ASIC2: variants seen among roughly 807,000 people sequenced by gnomAD.
The protein encoded by ASIC2 is acid sensing ion channel subunit 2.
Under a neutral mutation model 57.3 loss-of-function variants are expected in ASIC2, and 25 were observed. That is an observed-to-expected ratio of 0.44 (90% confidence interval 0.32 to 0.61). The LOEUF (loss-of-function observed/expected upper bound fraction) is 0.61. Among genes scored for constraint, ASIC2 ranks in the 20% least tolerant of loss-of-function variants. The pLI, the probability that ASIC2 is intolerant of heterozygous loss-of-function variation, is 0.06. For synonymous variants in ASIC2, 319 were observed against 307.5 expected (o/e 1.04, Z -0.39); for missense variants, 641 against 738.1 (o/e 0.87, Z 1.52).
chr17:33,356,161 G>A (rs1263146620), intron 1 of ASIC2, among the ~76,000 whole-genome samples: 1 of 152,184 alleles, frequency 6.6e-6, no homozygotes, highest in Non-Finnish European at 1.5e-5. Context: ...TAGGGGTAGG[G>A]TAGCAGTGAG....
At chr17:33,023,832 C>A in intron 6 of ASIC2, 29 bp downstream of exon 6, 1 of 1,612,936 alleles carries the variant, frequency 6.2e-7, no homozygotes, top group Non-Finnish European at 8.5e-7. Context: ...TTCCCCCTTC[C>A]CCCTGCCTAC....
chr17:33,883,502 C>G (rs990880648), intron 1 of ASIC2, among the ~76,000 whole-genome samples: 2 of 152,148 alleles, frequency 1.3e-5, no homozygotes, highest in Non-Finnish European at 2.9e-5. Context: ...CCATACTTCC[C>G]CCTTTCCACA....
chr17:33,688,433 T>G (rs6505367), intron 1 of ASIC2, among the ~76,000 whole-genome samples: 3,554 of 152,210 alleles, frequency 0.023, 128 homozygotes, highest in African/African-American at 0.082. Flanking sequence ...GAATGTTAAC[T>G]TAACAGTATT....
At chr17:33,139,669 C>T (rs538083102) in intron 1 of ASIC2, among the ~76,000 whole-genome samples, 5 of 152,290 alleles carry the variant, frequency 3.3e-5, no homozygotes, top group African/African-American at 9.6e-5. Flanking sequence ...AGCAGCATGT[C>T]CCCTCCTGCT....
At chr17:34,058,957 A>G (rs890630772) in intron 1 of ASIC2, among the ~76,000 whole-genome samples, 2 of 152,248 alleles carry the variant, frequency 1.3e-5, no homozygotes, top group Non-Finnish European at 2.9e-5. Context: ...TACCACCAGC[A>G]AATGGCAGAA....
At chr17:33,335,701 A>G (rs1323251555) in intron 1 of ASIC2, among the ~76,000 whole-genome samples, 1 of 152,214 alleles carries the variant, frequency 6.6e-6, no homozygotes, top group Non-Finnish European at 1.5e-5. Flanking sequence ...AGGTCCAAGC[A>G]GTGGTACCAC....
chr17:33,085,360 A>G (rs972135717), intron 3 of ASIC2, among the ~76,000 whole-genome samples: 16 of 152,244 alleles, frequency 1.1e-4, no homozygotes, highest in Non-Finnish European at 2.2e-4. Flanking sequence ...AATTGATTGT[A>G]AAACGAATCC....
intron 1 of ASIC2, among the ~76,000 whole-genome samples, chr17:33,817,963 G>GTA (rs1912636187): frequency 3.9e-5 from 6 of 152,086 alleles, no homozygotes; most frequent in African/African-American, 1.4e-4. Context: ...TGGTTTCGGG[G>GTA]TACCACATTT....
rs368123334 is a variant in ASIC2 at position 34,094,960 on chromosome 17, C to T, written c.555+61018G>A. On this transcript the variant is annotated intron_variant, in intron 1 of 9. Transcript: ENST00000359872. ...TAGCAAGATTGTGCATTAGGAACAA[C>T]GAGGAAATTTTCTGGAGGAAAGCAT... Among the ~76,000 whole-genome samples the T allele has an allele frequency of 7.4e-4, 112 of 152,262 alleles. No homozygotes were observed. The South Asian group carries it at 0.02, about 27-fold the overall frequency.
At chr17:33,159,529 C>G (rs752464967) in intron 1 of ASIC2, among the ~76,000 whole-genome samples, 3 of 152,184 alleles carry the variant, frequency 2.0e-5, no homozygotes, top group Non-Finnish European at 4.4e-5. Context: ...AGAGTTCATA[C>G]ACGGTCGCTA....
chr17:33,835,515 T>A (rs1913247615), intron 1 of ASIC2, among the ~76,000 whole-genome samples: 1 of 152,190 alleles, frequency 6.6e-6, no homozygotes, highest in South Asian at 2.1e-4. Flanking sequence ...TCCAATAACC[T>A]TAGATTTCCA....
At chr17:33,778,927 A>G (rs1911365075) in intron 1 of ASIC2, among the ~76,000 whole-genome samples, 1 of 152,112 alleles carries the variant, frequency 6.6e-6, no homozygotes, top group Non-Finnish European at 1.5e-5. Flanking sequence ...GCTATGTTTA[A>G]GTCATCTTGT....
At chr17:33,320,493 C>T (rs925680439) in intron 1 of ASIC2, among the ~76,000 whole-genome samples, 3 of 152,150 alleles carry the variant, frequency 2.0e-5, no homozygotes, top group East Asian at 1.9e-4. Flanking sequence ...TGGGATTGCC[C>T]GAAGTCAGGG....
chr17:33,588,437 T>C (rs1228419408), intron 1 of ASIC2, among the ~76,000 whole-genome samples: 1 of 152,154 alleles, frequency 6.6e-6, no homozygotes, highest in Non-Finnish European at 1.5e-5. Context: ...TGAAGAGGGA[T>C]TGGCCACACA....
intron 1 of ASIC2, among the ~76,000 whole-genome samples, chr17:33,704,071 A>T (rs933890232): frequency 7.2e-5 from 11 of 152,340 alleles, no homozygotes; most frequent in Admixed American, 5.9e-4. Context: ...AATCATAGAG[A>T]AACTGAGGCA....
chr17:33,201,537 A>G (rs920464949), intron 1 of ASIC2, among the ~76,000 whole-genome samples: 1 of 152,226 alleles, frequency 6.6e-6, no homozygotes, highest in African/African-American at 2.4e-5. Flanking sequence ...TTTCATGGCA[A>G]TGACCTAGAA....
rs79829679 is a variant in ASIC2 at position 33,797,970 on chromosome 17, A to G, written c.555+358008T>C. Reference sequence around the variant, plus strand: ...TACAGAGCCTGGCGAGAGAGGGATCATCGCAGTGTGCAAAGGAGGAAGTGG... The same window carrying G: ...TACAGAGCCTGGCGAGAGAGGGATCGTCGCAGTGTGCAAAGGAGGAAGTGG... On this transcript the variant is annotated intron_variant, in intron 1 of 9. Coordinates refer to the ASIC2 transcript ENST00000359872. 8.8e-3 allele frequency among the ~76,000 whole-genome samples: 1,341 copies of G among 152,308 alleles called. 23 individuals carry two copies. Among genetic ancestry groups the G allele is most frequent in the African/African-American group, 0.03 (1,264 of 41,566 alleles).
chr17:33,703,712 T>C (rs1309408072), intron 1 of ASIC2, among the ~76,000 whole-genome samples: 1 of 152,126 alleles, frequency 6.6e-6, no homozygotes, highest in Admixed American at 6.6e-5. Flanking sequence ...GGAAGGTACA[T>C]TCAGGGGAGA....
chr17:33,977,540 G>A (rs932841411), intron 1 of ASIC2, among the ~76,000 whole-genome samples: 12 of 152,304 alleles, frequency 7.9e-5, no homozygotes, highest in African/African-American at 2.9e-4. Flanking sequence ...TATTTATTGA[G>A]CACCTACTGT....
Sources: allele counts gnomAD v4.1 joint callset (sites outside exome capture counted in the v4.1 genomes callset), GRCh38; gene constraint gnomAD v4.1.1; transcripts MANE v1.5; gene names NCBI Gene and HGNC (gene_info 2026-07-23, HGNC 2026-07-21).